LPCAT2: variants seen among roughly 807,000 people sequenced by gnomAD.
The protein encoded by LPCAT2 is 1-AGP acyltransferase 11.
A neutral mutation model predicts 64.7 loss-of-function variants in LPCAT2; 58 were observed. The ratio of observed to expected loss-of-function variants is 0.90; its 90% CI spans 0.73 to 1.12. The LOEUF (loss-of-function observed/expected upper bound fraction) is 1.12, where lower values mean the gene tolerates loss of function less well. Among genes scored for constraint, LPCAT2 ranks in the 50% most tolerant of loss-of-function variants. The pLI is 0.00. For missense variants in LPCAT2, 579 were observed against 669.8 expected (o/e 0.86, Z 1.50); for synonymous variants, 252 against 245.3 (o/e 1.03, Z -0.26).
intron 4 of LPCAT2, among the ~76,000 whole-genome samples, chr16:55,531,628 A>G (rs1236861279): frequency 6.6e-6 from 1 of 152,218 alleles, no homozygotes; most frequent in Non-Finnish European, 1.5e-5. Context: ...ATTATGCTCT[A>G]CATCTTTTAA....
chr16:55,529,964 G>C lies in LPCAT2; in HGVS notation c.642+17G>C. ...TGGCCCCAGGTAAAACATGGTAGAT[G>C]TTAATTTAAATATAGTGGGAGTTTA... is the stretch of plus-strand genomic sequence containing the variant. On this transcript the variant is annotated intron_variant, in intron 4 of 13. Coordinates refer to ENST00000262134, the MANE Select transcript of LPCAT2 (RefSeq NM_017839.5). The C allele has an allele frequency of 6.4e-7, 1 of 1,563,946 alleles. No individual in the cohort carries two copies.
chr16:55,546,223 G>A (rs1014445796), intron 9 of LPCAT2, among the ~76,000 whole-genome samples: 1 of 152,038 alleles, frequency 6.6e-6, no homozygotes, highest in African/African-American at 2.4e-5. Context: ...AAAAAGAGAT[G>A]CATAGAAGAG....
chr16:55,534,329 C>T, intron 6 of LPCAT2, 114 bp from the exon 7 acceptor site: 2 of 695,072 alleles, frequency 2.9e-6, no homozygotes, highest in South Asian at 1.6e-5. Context: ...TACTTCTCAA[C>T]ATGTTGCTTT....
chr16:55,529,812 G>T, intron 3 of LPCAT2, 23 bp from the exon 4 acceptor site: 1 of 1,527,816 alleles, frequency 6.5e-7, no homozygotes, highest in South Asian at 1.2e-5. Context: ...TGGCTTGCCT[G>T]TAACTTTTCA....
intron 4 of LPCAT2, among the ~76,000 whole-genome samples, chr16:55,531,464 T>A (rs150927541): frequency 6.4e-4 from 98 of 152,306 alleles, no homozygotes; most frequent in Middle Eastern, 3.4e-3. Context: ...ATTGTACACA[T>A]ATCTTTTTTC....
intron 11 of LPCAT2, among the ~76,000 whole-genome samples, chr16:55,557,515 G>A (rs2060731351): frequency 6.6e-6 from 1 of 152,204 alleles, no homozygotes; most frequent in South Asian, 2.1e-4. Context: ...TTCTCTCAGG[G>A]TAGTTTATCT....
chr16:55,510,383 G>A (rs1481429926), intron 1 of LPCAT2, among the ~76,000 whole-genome samples: 3 of 136,072 alleles, frequency 2.2e-5, no homozygotes, highest in Non-Finnish European at 3.1e-5. Flanking sequence ...CTTCCTCTTT[G>A]TTGAAGTTAG....
intron 11 of LPCAT2, among the ~76,000 whole-genome samples, chr16:55,572,637 A>G (rs1596887508): frequency 1.4e-5 from 2 of 142,680 alleles, no homozygotes; most frequent in Admixed American, 7.0e-5. Context: ...GGCGCTGGTT[A>G]CCATGGTGTA....
chr16:55,581,690 A>G (rs1308933309), intron 13 of LPCAT2, among the ~76,000 whole-genome samples: 2 of 152,226 alleles, frequency 1.3e-5, no homozygotes, highest in Non-Finnish European at 2.9e-5. Context: ...TTTATTATAG[A>G]GCCAAATGGC....
intron 1 of LPCAT2, among the ~76,000 whole-genome samples, chr16:55,511,390 A>G (rs1962930069): frequency 6.6e-6 from 1 of 152,182 alleles, no homozygotes; most frequent in Non-Finnish European, 1.5e-5. Flanking sequence ...AACAATGTCC[A>G]TATTATCCAG....
intron 1 of LPCAT2, among the ~76,000 whole-genome samples, chr16:55,511,750 C>T (rs1383284160): frequency 1.3e-5 from 2 of 152,132 alleles, no homozygotes; most frequent in African/African-American, 4.8e-5. Context: ...AAAAAGTTGC[C>T]TAATATTTTG....
At chr16:55,572,326 TC>T (rs1963779328) in intron 11 of LPCAT2, among the ~76,000 whole-genome samples, 1 of 152,196 alleles carries the variant, frequency 6.6e-6, no homozygotes, top group Non-Finnish European at 1.5e-5. Flanking sequence ...AAGGGGTATT[TC>T]CAATTATACA....
intron 11 of LPCAT2, chr16:55,567,523 A>G: frequency 6.2e-7 from 1 of 1,605,124 alleles, no homozygotes; most frequent in Non-Finnish European, 8.5e-7. Context: ...TGAGAAGTCA[A>G]GATCCTCCCT....
At chr16:55,558,156 A>C (rs1485686266) in intron 11 of LPCAT2, among the ~76,000 whole-genome samples, 1 of 152,256 alleles carries the variant, frequency 6.6e-6, no homozygotes, top group African/African-American at 2.4e-5. Flanking sequence ...ACAATGGTTT[A>C]AAACAATGAC....
chr16:55,521,727 TGATA>T (rs1175668188), intron 1 of LPCAT2, among the ~76,000 whole-genome samples: 1 of 151,690 alleles, frequency 6.6e-6, no homozygotes, highest in Non-Finnish European at 1.5e-5. Flanking sequence ...GCAGAACATA[TGATA>T]AAATGCATGT....
In LPCAT2 at chr16:55,585,539, T is replaced by C. The variant is rs368599816; in HGVS notation, c.*2441T>C. 5 of 152,210 alleles carry C rather than the reference T, an allele frequency of 3.3e-5. No homozygotes were observed. In the East Asian group the frequency reaches 5.8e-4, roughly 18 times the overall value. The allele number at this position is 152,210 out of a possible 1,614,324, so 9.4% of individuals were successfully genotyped here. On this transcript the variant is annotated 3_prime_UTR_variant, in exon 14 of 14. Transcript: ENST00000262134. ...TTTATTAAGTCAGTTAAATGCACCATGGCTTCATATAGTAATATAAAAAAA... is the reference window on the plus strand; with the variant it reads ...TTTATTAAGTCAGTTAAATGCACCACGGCTTCATATAGTAATATAAAAAAA...
At chr16:55,578,992 C>T (rs1404351851) in intron 12 of LPCAT2, 117 bp from the exon 13 acceptor site, 2 of 897,364 alleles carry the variant, frequency 2.2e-6, no homozygotes, top group Non-Finnish European at 3.5e-6. Context: ...TCTTAATATA[C>T]ATATTTCTAG....
rs192385127 is a variant in LPCAT2 at position 55,523,652 on chromosome 16, T to C, written c.172-1856T>C. On this transcript the variant is annotated intron_variant, in intron 1 of 13. Coordinates refer to ENST00000262134, the MANE Select transcript of LPCAT2 (RefSeq NM_017839.5). ...ATGGTTGACTCTCAAAAATATGAAG[T>C]GATCAAGCCAGATATAAAAGGGTAA... Among the ~76,000 whole-genome samples, 733 of 151,882 alleles carry C rather than the reference T, an allele frequency of 4.8e-3. 2 individuals carry two copies. The highest frequency in any genetic ancestry group is 0.012 in the Admixed American group (178 of 15,262).
chr16:55,581,716 C>G (rs945817866), intron 13 of LPCAT2, among the ~76,000 whole-genome samples: 3 of 152,130 alleles, frequency 2.0e-5, no homozygotes, highest in Non-Finnish European at 4.4e-5. Context: ...ATCCAAAGAC[C>G]ATGCTATCTT....
Sources: allele counts gnomAD v4.1 joint callset (sites outside exome capture counted in the v4.1 genomes callset), GRCh38; gene constraint gnomAD v4.1.1; transcripts MANE v1.5; gene names NCBI Gene and HGNC (gene_info 2026-07-23, HGNC 2026-07-21).